The following TNFRSF14 variants were observed in gnomAD, a reference collection of about 807,000 sequenced individuals.
The protein encoded by TNFRSF14 is TNF receptor superfamily member 14.
TNFRSF14 carries 18 observed loss-of-function variants against 34.1 expected under a neutral mutation model. The ratio of observed to expected loss-of-function variants is 0.53; its 90% confidence interval spans 0.36 to 0.78. The LOEUF is 0.78. Ranked by LOEUF, TNFRSF14 falls within the 30% of genes least tolerant of loss-of-function variation. The probability of loss-of-function intolerance (pLI) is 0.00; values close to 1 mark genes in which losing one functional copy is unlikely to be tolerated. For missense variants in TNFRSF14, 352 were observed against 379.5 expected, an observed-to-expected ratio of 0.93 and a Z score of 0.60; for synonymous variants, 157 against 153.2, an observed-to-expected ratio of 1.02 and a Z score of -0.18.
At position 2,556,445 on chromosome 1, in the gene TNFRSF14, G is replaced by T; in HGVS notation, c.-220G>T. 2.9e-6 allele frequency: 2 copies of T among 698,902 alleles called. No individual in the cohort carries two copies. Among genetic ancestry groups the T allele is most frequent in the Non-Finnish European group, 5.2e-6 (2 of 383,710 alleles). 43.3% of individuals were successfully genotyped at this position (698,902 alleles called of 1,614,324 possible). A position where few individuals can be genotyped will look rare whatever the true frequency, so the allele number is the denominator to read the frequency against. On this transcript the variant is annotated 5_prime_UTR_variant, in exon 1 of 8. Transcript: ENST00000355716. ...GGGCCCACCTGTGTCCCCCAGCGCC[G>T]CTCCACCCAGCAGGCCTGAGCCCCT...
At chr1:2,557,642 G>A in intron 1 of TNFRSF14, 84 bp from the exon 2 acceptor site, 1 of 1,055,470 alleles carries the variant, frequency 9.5e-7, no homozygotes, top group East Asian at 2.9e-5. Context: ...ATTGCACAGA[G>A]GGAGATTCAG....
intron 1 of TNFRSF14, among the ~76,000 whole-genome samples, chr1:2,557,295 T>G (rs1644230316): frequency 2.0e-5 from 3 of 152,208 alleles, no homozygotes; most frequent in Non-Finnish European, 4.4e-5. Context: ...GTGGCCCTGA[T>G]CAGCCTGTCA....
At position 2,563,358 on chromosome 1, in the gene TNFRSF14, C is replaced by A. The variant is rs1348621323; in HGVS notation, c.*85C>A. ...TGTCCACCTGGCGGAACCACCGGAGCCCGGAGGCTTGGGGGCTCCGCCCTG... is the reference window on the plus strand; with the variant it reads ...TGTCCACCTGGCGGAACCACCGGAGACCGGAGGCTTGGGGGCTCCGCCCTG... On this transcript the variant is annotated 3_prime_UTR_variant, in exon 8 of 8. Coordinates refer to ENST00000355716, the MANE Select transcript of TNFRSF14 (RefSeq NM_003820.4). 4 of 1,574,476 alleles carry A rather than the reference C, an allele frequency of 2.5e-6. No individual in the cohort carries two copies. The highest frequency in any genetic ancestry group is 1.7e-6 in the Non-Finnish European group (2 of 1,158,268).
intron 3 of TNFRSF14, chr1:2,558,929 G>C (rs1360090525): frequency 1.5e-6 from 2 of 1,364,916 alleles, no homozygotes; most frequent in South Asian, 1.2e-5. Context: ...CTGGAGGCTG[G>C]TGCCCACCTG....
chr1:2,559,901 T>C lies in TNFRSF14; in HGVS notation c.383T>C (p.Ile128Thr). ...VCGCSPGHFC[I>T]VQDGDHCAAC... The stretch of plus-strand genomic sequence containing the variant: ...GGCTGCAGCCCAGGCCACTTCTGCA[T>C]CGTCCAGGACGGGGACCACTGCGCC... Residue 128 changes from isoleucine to threonine, a missense_variant, in exon 4 of 8, where the codon ATC becomes ACC. Ile to Thr is a moderately conservative substitution (Grantham distance 89). Transcript: ENST00000355716. 2 of 1,604,436 alleles carry C rather than the reference T, an allele frequency of 1.2e-6. No individual in the cohort carries two copies. The highest frequency in any genetic ancestry group is 1.7e-6 in the Non-Finnish European group (2 of 1,176,122).
rs1644318276 is a variant in TNFRSF14 at position 2,562,074 on chromosome 1, T to C, written c.694+259T>C. 8 of 537,744 alleles carry C rather than the reference T, an allele frequency of 1.5e-5. No individual in the cohort carries two copies. In the South Asian group the frequency reaches 1.9e-4, roughly 13 times the overall value. The allele number at this position is 537,744 out of a possible 1,614,324, so 33.3% of individuals were successfully genotyped here. ...CCCCTGCCCACGCACTCTATGACCC[T>C]GTGCTCCTGCCTGCCCCCTGTGGGA... On this transcript the variant is annotated intron_variant, in intron 6 of 7. Coordinates refer to ENST00000355716, the MANE Select transcript of TNFRSF14 (RefSeq NM_003820.4).
rs1016217711 is a variant in TNFRSF14, at chr1:2,556,389, G to A, written c.-276G>A. On this transcript the variant is annotated 5_prime_UTR_variant, in exon 1 of 8. Transcript: ENST00000355716. Reference sequence around the variant, plus strand: ...CTCCTTCATACCGGCCCTTCCCCTCGGCTTTGCCTGGACAGCTCCTGCCTC... The same window carrying A: ...CTCCTTCATACCGGCCCTTCCCCTCAGCTTTGCCTGGACAGCTCCTGCCTC... The A allele has an allele frequency of 4.8e-5, 32 of 673,032 alleles. No homozygotes were observed. The highest frequency in any genetic ancestry group is 2.5e-4 in the East Asian group (9 of 35,316). The allele number at this position is 673,032 out of a possible 1,614,324, so 41.7% of individuals were successfully genotyped here.
At position 2,560,860 on chromosome 1, in the gene TNFRSF14, A is replaced by G. The variant is rs944698016; in HGVS notation, c.551+146A>G. The G allele has an allele frequency of 2.2e-5, 15 of 690,682 alleles. No individual in the cohort carries two copies. The African/African-American group carries it at 2.7e-4, about 12-fold the overall frequency. The allele number at this position is 690,682 out of a possible 1,614,324, so 42.8% of individuals were successfully genotyped here. On this transcript the variant is annotated intron_variant, in intron 5 of 7. Coordinates refer to ENST00000355716, the MANE Select transcript of TNFRSF14 (RefSeq NM_003820.4). ...CTGGTCACATGCCTGCGTCCAGGAG[A>G]GCTGCAGGGCTGAAGCCTGTGTGCC...
At chr1:2,562,973 GGT>G (rs1644332817) in intron 7 of TNFRSF14, 77 bp downstream of exon 7, 3 of 1,537,010 alleles carry the variant, frequency 2.0e-6, no homozygotes, top group Non-Finnish European at 2.7e-6. Context: ...TGGTGTTTCT[GGT>G]GTACATGGTG....
Position 2,559,219 on chromosome 1 carries a change from G to T in TNFRSF14, c.305-604G>T, listed in dbSNP as rs11573977. 1.4e-5 allele frequency: 19 copies of T among 1,369,984 alleles called. No homozygotes were observed. The East Asian group carries it at 6.5e-4, about 47-fold the overall frequency. The allele number at this position is 1,369,984 out of a possible 1,614,324, so 84.9% of individuals were successfully genotyped here. On this transcript the variant is annotated intron_variant, in intron 3 of 7. Transcript: ENST00000355716. Reference sequence around the variant, plus strand: ...CTTTGGGGGTTCATGCATGTAGGCTGGGATTTGGGGCTCACACCTCAACCT... The same window carrying T: ...CTTTGGGGGTTCATGCATGTAGGCTTGGATTTGGGGCTCACACCTCAACCT...
intron 2 of TNFRSF14, 51 bp downstream of exon 2, chr1:2,557,885 C>G (rs1404275463): frequency 7.0e-7 from 1 of 1,438,694 alleles, no homozygotes; most frequent in East Asian, 2.5e-5. Context: ...GGCAGACACT[C>G]TTGCCCCCTT....
Position 2,561,788 on chromosome 1 carries a change from A to C in TNFRSF14, c.667A>C (p.Ile223Leu). The C allele has an allele frequency of 6.2e-7, 1 of 1,613,826 alleles. No homozygotes were observed. The highest frequency in any genetic ancestry group is 1.7e-4 in the Middle Eastern group (1 of 6,058). The change falls in exon 6 of 8, where the codon ATA becomes CTA. Residue 223 changes from isoleucine to leucine, a missense_variant. Coordinates refer to ENST00000355716, the MANE Select transcript of TNFRSF14 (RefSeq NM_003820.4). This position sits in a 1 kb window ranked among gnomAD's most constrained non-coding sequence, Gnocchi z 6.0. Reference protein sequence around the residue: ...VIVCSTVGLIICVKRRKPRGD... With the variant: ...VIVCSTVGLILCVKRRKPRGD... Reference sequence around the variant, plus strand: ...TGTTTGCTCCACAGTTGGCCTAATCATATGTGTGAAAAGAAGAAAGCCAAG... The same window carrying C: ...TGTTTGCTCCACAGTTGGCCTAATCCTATGTGTGAAAAGAAGAAAGCCAAG...
chr1:2,558,983 T>C, intron 3 of TNFRSF14: 3 of 1,365,876 alleles, frequency 2.2e-6, no homozygotes, highest in Non-Finnish European at 2.9e-6. Context: ...GAGGTGGCCT[T>C]TGAGTCACTG....
At chr1:2,555,948 C>T (rs983018918), upstream of TNFRSF14, 12 of 196,186 alleles carry the variant, frequency 6.1e-5, no homozygotes, top group South Asian at 3.9e-4. This position sits in a 1 kb window ranked among gnomAD's most constrained non-coding sequence, Gnocchi z 6.3. Context: ...ACAGGGAGAC[C>T]GGGCGAGGCT....
chr1:2,559,369 C>T (rs572309222), intron 3 of TNFRSF14: 2 of 1,377,186 alleles, frequency 1.5e-6, no homozygotes, highest in East Asian at 6.8e-5. Flanking sequence ...TTGTACCCCA[C>T]CTCCACCAGT....
In TNFRSF14 at chr1:2,563,184, A is replaced by G. The variant is rs771574861; in HGVS notation, c.763A>G (p.Ile255Val). ...GGAGGCAGAAGGTGAGGCCACAGTC[A>G]TTGAGGCCCTGCAGGCCCCTCCGGA... ...RQEAEGEATV[I>V]EALQAPPDVT... Residue 255 changes from isoleucine (I) to valine (V), a missense_variant, in exon 8 of 8, where the codon ATT becomes GTT. Ile to Val is a conservative substitution (Grantham distance 29). Transcript: ENST00000355716. 56 of 1,613,406 alleles carry G rather than the reference A, an allele frequency of 3.5e-5. No homozygotes were observed. The Admixed American group carries it at 8.2e-4, about 24-fold the overall frequency.
chr1:2,558,441 T>C lies in TNFRSF14; in HGVS notation c.277T>C (p.Cys93Arg). Residue 93 changes from cysteine to arginine, a missense_variant, in exon 3 of 8, where the codon TGT (cysteine) becomes CGT (arginine). Cys to Arg is a radical substitution (Grantham distance 180, BLOSUM62 -3). Coordinates refer to ENST00000355716, the MANE Select transcript of TNFRSF14 (RefSeq NM_003820.4). ...TGCCCACCTCAATGGCCTAAGCAAG[T>C]GTCTGCAGTGCCAAATGTGTGACCC... Reference protein sequence around the residue: ...YIAHLNGLSKCLQCQMCDPAM... With the variant: ...YIAHLNGLSKRLQCQMCDPAM... The C allele has an allele frequency of 1.2e-6, 2 of 1,613,260 alleles. No individual in the cohort carries two copies. Among genetic ancestry groups the C allele is most frequent in the African/African-American group, 1.3e-5 (1 of 75,020 alleles).
rs1157875127 is a variant in TNFRSF14 at position 2,556,394 on chromosome 1, T to C, written c.-271T>C. Reference sequence around the variant, plus strand: ...TCATACCGGCCCTTCCCCTCGGCTTTGCCTGGACAGCTCCTGCCTCCCGCA... The same window carrying C: ...TCATACCGGCCCTTCCCCTCGGCTTCGCCTGGACAGCTCCTGCCTCCCGCA... On this transcript the variant is annotated 5_prime_UTR_variant, in exon 1 of 8. Coordinates refer to ENST00000355716, the MANE Select transcript of TNFRSF14 (RefSeq NM_003820.4). The C allele has an allele frequency of 2.9e-6, 2 of 678,256 alleles. No individual in the cohort carries two copies. Among genetic ancestry groups the C allele is most frequent in the Non-Finnish European group, 5.4e-6 (2 of 369,796 alleles). The allele number at this position is 678,256 out of a possible 1,614,324, so 42.0% of individuals were successfully genotyped here. A position where few individuals can be genotyped will look rare whatever the true frequency, so the allele number is the denominator to read the frequency against.
chr1:2,561,639 T>A lies in TNFRSF14; in HGVS notation c.552-34T>A. 5 of 1,611,658 alleles carry A rather than the reference T, an allele frequency of 3.1e-6. No individual in the cohort carries two copies. Among genetic ancestry groups the A allele is most frequent in the Non-Finnish European group, 4.2e-6 (5 of 1,179,316 alleles). On this transcript the variant is annotated intron_variant, in intron 5 of 7. Transcript: ENST00000355716. This position sits in a 1 kb window ranked among gnomAD's most constrained non-coding sequence, Gnocchi z 6.0. Reference sequence around the variant, plus strand: ...CTGAGTGAACACTGGGCGCTGCACCTGCCTCTCCCACGTCCTCGGCCCCAC... The same window carrying A: ...CTGAGTGAACACTGGGCGCTGCACCAGCCTCTCCCACGTCCTCGGCCCCAC...
Sources: gnomAD v4.1 joint callset for allele counts (sites outside exome capture counted in the v4.1 genomes callset) on GRCh38, gnomAD v4.1.1 for gene constraint, Gnocchi (gnomAD v3.1) non-coding constraint, MANE v1.5 for transcripts, NCBI Gene and HGNC (gene_info 2026-07-23, HGNC 2026-07-21) for gene names.